ZNF385B: variants seen among roughly 807,000 people sequenced by gnomAD.
ZNF385B encodes zinc finger protein 533.
In ZNF385B, 23 loss-of-function variants were observed where a neutral mutation model predicts 39.2. The ratio of observed to expected loss-of-function variants is 0.59; its 90% CI spans 0.42 to 0.83. ZNF385B has a LOEUF of 0.83. ZNF385B is among the 40% of genes least tolerant of loss of function. The probability of loss-of-function intolerance (pLI) is 0.00; values close to 1 mark genes in which losing one functional copy is unlikely to be tolerated. For missense variants in ZNF385B, 552 were observed against 598.9 expected (o/e 0.92, Z 0.82); for synonymous variants, 205 against 222.6 (o/e 0.92, Z 0.70).
intron 1 of ZNF385B, among the ~76,000 whole-genome samples, chr2:179,809,475 A>G (rs1237835892): frequency 6.6e-6 from 1 of 152,192 alleles, no homozygotes. Flanking sequence ...AACATGGCCA[A>G]GGAAATATAC....
At chr2:179,665,408 AT>A (rs913946135) in intron 3 of ZNF385B, among the ~76,000 whole-genome samples, 5 of 152,126 alleles carry the variant, frequency 3.3e-5, no homozygotes, top group Admixed American at 1.3e-4. Flanking sequence ...TACATGCATG[AT>A]TTTTTTCAAG....
intron 3 of ZNF385B, among the ~76,000 whole-genome samples, chr2:179,717,899 T>C (rs1700433861): frequency 2.2e-5 from 3 of 138,870 alleles, no homozygotes; most frequent in Admixed American, 2.1e-4. Context: ...TATTACATCA[T>C]ATGTTGTTTA....
chr2:179,580,238 A>G (rs1271611864), intron 3 of ZNF385B, among the ~76,000 whole-genome samples: 2 of 152,174 alleles, frequency 1.3e-5, no homozygotes, highest in East Asian at 1.9e-4. Context: ...ATTTCTTAAC[A>G]TCTTATAACT....
At chr2:179,520,272 C>T (rs2058388687) in intron 4 of ZNF385B, among the ~76,000 whole-genome samples, 1 of 151,668 alleles carries the variant, frequency 6.6e-6, no homozygotes, top group African/African-American at 2.4e-5. Context: ...TAGACCTTTC[C>T]CCCTCAAAAG....
intron 5 of ZNF385B, among the ~76,000 whole-genome samples, chr2:179,515,673 T>C (rs2058040998): frequency 6.6e-6 from 1 of 152,194 alleles, no homozygotes; most frequent in Admixed American, 6.6e-5. Context: ...AAAATTGTAG[T>C]TTAATATACT....
chr2:179,585,500 G>C (rs1195936686), intron 3 of ZNF385B, among the ~76,000 whole-genome samples: 2 of 152,112 alleles, frequency 1.3e-5, no homozygotes, highest in African/African-American at 4.8e-5. Context: ...TGATTATAGG[G>C]CTCCCTTTAA....
At chr2:179,569,403 T>C (rs1201878441) in intron 3 of ZNF385B, among the ~76,000 whole-genome samples, 1 of 152,204 alleles carries the variant, frequency 6.6e-6, no homozygotes, top group East Asian at 1.9e-4. Flanking sequence ...AGCTCTGAAA[T>C]ACTTCACAGC....
Position 179,630,028 on chromosome 2 carries a change from G to A in ZNF385B, c.299-85059C>T, listed in dbSNP as rs1691048842. Among the ~76,000 whole-genome samples, 5 of 152,246 alleles carry A rather than the reference G, an allele frequency of 3.3e-5. No homozygotes were observed. In the South Asian group the frequency reaches 1.0e-3, roughly 32 times the overall value. On this transcript the variant is annotated intron_variant, in intron 3 of 9. Transcript: ENST00000410066. ...AGTGGCCAAGAAGCTCAAACTGGGCGGAGCCCACTGCAGCTCAACAAGGCC... is the reference window on the plus strand; with the variant it reads ...AGTGGCCAAGAAGCTCAAACTGGGCAGAGCCCACTGCAGCTCAACAAGGCC...
intron 3 of ZNF385B, among the ~76,000 whole-genome samples, chr2:179,599,969 T>C (rs1329718777): frequency 2.0e-5 from 3 of 152,226 alleles, no homozygotes; most frequent in Non-Finnish European, 4.4e-5. Flanking sequence ...TGCTTCATGG[T>C]ACATGGATTG....
intron 4 of ZNF385B, among the ~76,000 whole-genome samples, chr2:179,519,957 T>C (rs1289204997): frequency 6.6e-6 from 1 of 152,210 alleles, no homozygotes; most frequent in African/African-American, 2.4e-5. Context: ...AATCTATTTT[T>C]TGGCTACAAT....
intron 3 of ZNF385B, among the ~76,000 whole-genome samples, chr2:179,631,024 A>G (rs1337959817): frequency 6.6e-6 from 1 of 152,232 alleles, no homozygotes; most frequent in Non-Finnish European, 1.5e-5. Context: ...GCTATGTGAA[A>G]AGACCAAATC....
intron 3 of ZNF385B, among the ~76,000 whole-genome samples, chr2:179,663,242 G>A (rs1289655679): frequency 1.3e-5 from 2 of 152,030 alleles, no homozygotes; most frequent in African/African-American, 2.4e-5. Flanking sequence ...AGTACCTTAG[G>A]GACACCAGAA....
chr2:179,658,690 C>T (rs1250529794), intron 3 of ZNF385B, among the ~76,000 whole-genome samples: 2 of 152,186 alleles, frequency 1.3e-5, no homozygotes, highest in Non-Finnish European at 2.9e-5. Flanking sequence ...TACTTAAATA[C>T]ACTGAAAAGT....
At chr2:179,773,144 T>G (rs562828328) in intron 1 of ZNF385B, among the ~76,000 whole-genome samples, 1 of 152,262 alleles carries the variant, frequency 6.6e-6, no homozygotes, top group South Asian at 2.1e-4. Context: ...TTCCCTGACC[T>G]GCATTGTTAT....
At chr2:179,570,637 G>C (rs1284409317) in intron 3 of ZNF385B, among the ~76,000 whole-genome samples, 3 of 152,152 alleles carry the variant, frequency 2.0e-5, no homozygotes, top group Admixed American at 6.5e-5. Flanking sequence ...ATTCTGAAGA[G>C]AGCCAGTTGT....
chr2:179,762,705 A>G (rs769081861), intron 3 of ZNF385B, among the ~76,000 whole-genome samples: 9 of 152,326 alleles, frequency 5.9e-5, no homozygotes, highest in Non-Finnish European at 1.3e-4. Flanking sequence ...TACTAGCCTC[A>G]TAAAATAAGT....
intron 3 of ZNF385B, among the ~76,000 whole-genome samples, chr2:179,712,442 A>G (rs904638933): frequency 1.3e-5 from 2 of 152,216 alleles, no homozygotes; most frequent in Non-Finnish European, 2.9e-5. Context: ...AGCCAGTTGT[A>G]TAAGCCCGAA....
chr2:179,676,367 CGTGAG>C (rs1696800844), intron 3 of ZNF385B, among the ~76,000 whole-genome samples: 4 of 151,520 alleles, frequency 2.6e-5, no homozygotes, highest in African/African-American at 9.7e-5. Context: ...GGATTACAGG[CGTGAG>C]CCACCACGCC....
intron 3 of ZNF385B, among the ~76,000 whole-genome samples, chr2:179,744,557 C>T (rs1256340817): frequency 6.6e-6 from 1 of 152,050 alleles, no homozygotes; most frequent in Admixed American, 6.6e-5. Flanking sequence ...GCTCCTGATG[C>T]GTCTGCTTAG....
Sources: gnomAD v4.1 joint callset for allele counts (sites outside exome capture counted in the v4.1 genomes callset) on GRCh38, gnomAD v4.1.1 for gene constraint, MANE v1.5 for transcripts, NCBI Gene and HGNC (gene_info 2026-07-23, HGNC 2026-07-21) for gene names.